SLC8A3: variants seen among roughly 807,000 people sequenced by gnomAD.
SLC8A3 encodes solute carrier family 8 member A3.
SLC8A3 carries 37 observed loss-of-function variants against 65.4 expected under a neutral mutation model. The ratio of observed to expected loss-of-function variants is 0.57; its 90% confidence interval spans 0.44 to 0.74. The LOEUF (loss-of-function observed/expected upper bound fraction) is 0.74, where lower values mean the gene tolerates loss of function less well. SLC8A3 is among the 30% of genes least tolerant of loss of function. The probability of loss-of-function intolerance (pLI) is 0.00; values close to 1 mark genes in which losing one functional copy is unlikely to be tolerated. For missense variants in SLC8A3, 1,112 were observed against 1,172.1 expected (o/e 0.95, Z 0.75); for synonymous variants, 461 against 444.5 (o/e 1.04, Z -0.47).
intron 2 of SLC8A3, among the ~76,000 whole-genome samples, chr14:70,123,527 G>A (rs1379399410): frequency 6.7e-6 from 1 of 149,406 alleles, no homozygotes. Context: ...TTGGCTCACT[G>A]CAACCTCCAC....
chr14:70,167,044 G>T lies in SLC8A3; in HGVS notation c.1379C>A (p.Thr460Asn). ...EGTVVLKPGE[T>N]QKEFSVGIID... ...TATGCCCACGGAGAACTCCTTCTGG[G>T]TCTCTCCTGGCTTCAGAACCACCGT... Residue 460 changes from threonine (T) to asparagine (N), a missense_variant, in exon 2 of 7, where the codon ACC becomes AAC. Coordinates refer to ENST00000356921, the MANE Select transcript of SLC8A3 (RefSeq NM_182932.3). 1 of 1,613,794 alleles carries T rather than the reference G, an allele frequency of 6.2e-7. No individual in the cohort carries two copies.
intron 2 of SLC8A3, among the ~76,000 whole-genome samples, chr14:70,093,700 C>T (rs1007342894): frequency 1.6e-4 from 25 of 152,210 alleles, no homozygotes; most frequent in African/African-American, 5.5e-4. Flanking sequence ...CTTCCCAATT[C>T]TGATGTCTGC....
At chr14:70,132,291 A>T (rs925845398) in intron 2 of SLC8A3, among the ~76,000 whole-genome samples, 1 of 152,238 alleles carries the variant, frequency 6.6e-6, no homozygotes, top group African/African-American at 2.4e-5. Context: ...TGCAGCCTTC[A>T]CTGTAATATT....
At chr14:70,076,078 C>G (rs1364223975) in intron 2 of SLC8A3, among the ~76,000 whole-genome samples, 1 of 152,220 alleles carries the variant, frequency 6.6e-6, no homozygotes, top group South Asian at 2.1e-4. Context: ...TTTTCCACCA[C>G]CCACTCGGCC....
At chr14:70,057,112 C>G (rs1326661102) in intron 3 of SLC8A3, among the ~76,000 whole-genome samples, 1 of 152,136 alleles carries the variant, frequency 6.6e-6, no homozygotes, top group Non-Finnish European at 1.5e-5. Context: ...GAATGCAACT[C>G]AGGCCTGTGA....
intron 2 of SLC8A3, among the ~76,000 whole-genome samples, chr14:70,071,262 C>A (rs1889985035): frequency 6.6e-6 from 1 of 152,210 alleles, no homozygotes; most frequent in African/African-American, 2.4e-5. Context: ...ATCCTTGGAA[C>A]CTGTAAATGT....
chr14:70,137,784 G>A (rs1895301029), intron 2 of SLC8A3, among the ~76,000 whole-genome samples: 1 of 55,434 alleles, frequency 1.8e-5, no homozygotes. Flanking sequence ...AGCTGGTGGT[G>A]CCTTTTTTTT....
rs1030108261 is a variant in SLC8A3 at position 70,188,414 on chromosome 14, G to A, written c.-98C>T. ...CGGCCTCCCGAGCGGAGTGGGCAAG[G>A]GAGGGGGGTGAGGAAGGTACGCGAT... On this transcript the variant is annotated 5_prime_UTR_variant, in exon 1 of 7. Coordinates refer to ENST00000356921, the MANE Select transcript of SLC8A3 (RefSeq NM_182932.3). The A allele has an allele frequency of 6.6e-6, 1 of 152,162 alleles. No individual in the cohort carries two copies. The highest frequency in any genetic ancestry group is 1.5e-5 in the Non-Finnish European group (1 of 68,058). 9.4% of individuals were successfully genotyped at this position (152,162 alleles called of 1,614,324 possible).
At chr14:70,074,578 A>G (rs2139944050) in intron 2 of SLC8A3, among the ~76,000 whole-genome samples, 1 of 152,362 alleles carries the variant, frequency 6.6e-6, no homozygotes, top group South Asian at 2.1e-4. Context: ...GAAGGGAGAC[A>G]GAAATCCTAT....
intron 2 of SLC8A3, among the ~76,000 whole-genome samples, chr14:70,085,500 C>T (rs1051209521): frequency 6.6e-6 from 1 of 152,116 alleles, no homozygotes; most frequent in African/African-American, 2.4e-5. Context: ...TTACCTTTAA[C>T]CCGACCCACC....
chr14:70,143,529 G>T (rs372464117), intron 2 of SLC8A3, among the ~76,000 whole-genome samples: 1 of 152,080 alleles, frequency 6.6e-6, no homozygotes, highest in Non-Finnish European at 1.5e-5. Context: ...AGAATCACCT[G>T]GAGTGCTTAA....
chr14:70,090,357 C>G (rs1258984233), intron 2 of SLC8A3, among the ~76,000 whole-genome samples: 1 of 152,186 alleles, frequency 6.6e-6, no homozygotes, highest in African/African-American at 2.4e-5. Context: ...ACTATCACGT[C>G]ATATGCGCAT....
intron 2 of SLC8A3, among the ~76,000 whole-genome samples, chr14:70,125,258 A>G (rs1025896288): frequency 1.3e-5 from 2 of 152,110 alleles, no homozygotes; most frequent in Non-Finnish European, 2.9e-5. Flanking sequence ...GTGGGCTTTT[A>G]GTGTATTCAT....
Position 70,096,563 on chromosome 14 carries a change from C to T in SLC8A3, c.1785-35624G>A, listed in dbSNP as rs182655706. Among the ~76,000 whole-genome samples the T allele has an allele frequency of 2.2e-4, 33 of 152,362 alleles. 1 individual carries two copies. The highest frequency in any genetic ancestry group is 4.1e-4 in the South Asian group (2 of 4,828). On this transcript the variant is annotated intron_variant, in intron 2 of 6. Coordinates refer to ENST00000356921, the MANE Select transcript of SLC8A3 (RefSeq NM_182932.3). ...CCCAGAATCAGACTGCCCAGTTTCA[C>T]ATCACAGCTCCACCCACTTACTAGT...
At chr14:70,172,155 C>CA (rs145675334) in intron 1 of SLC8A3, among the ~76,000 whole-genome samples, 4,990 of 152,174 alleles carry the variant, frequency 0.033, 272 homozygotes, top group African/African-American at 0.11. Flanking sequence ...ATCTTTTCCC[C>CA]CACCCAGGAC....
chr14:70,156,413 T>C (rs1356309443), intron 2 of SLC8A3, among the ~76,000 whole-genome samples: 2 of 152,222 alleles, frequency 1.3e-5, no homozygotes, highest in South Asian at 2.1e-4. Flanking sequence ...GTTCTTTCTA[T>C]CTTGAATCCC....
At chr14:70,163,189 T>C (rs1204424279) in intron 2 of SLC8A3, among the ~76,000 whole-genome samples, 16 of 152,226 alleles carry the variant, frequency 1.1e-4, no homozygotes, top group Non-Finnish European at 1.5e-5. Flanking sequence ...TTTCTCATAC[T>C]TATATTTAGT....
At chr14:70,081,155 G>A (rs781688024) in intron 2 of SLC8A3, among the ~76,000 whole-genome samples, 4 of 152,148 alleles carry the variant, frequency 2.6e-5, no homozygotes, top group East Asian at 1.9e-4. Flanking sequence ...ATCTCCCTTC[G>A]ACAAAACCTC....
chr14:70,158,986 C>T (rs556798087), intron 2 of SLC8A3, among the ~76,000 whole-genome samples: 3 of 152,270 alleles, frequency 2.0e-5, no homozygotes, highest in East Asian at 1.9e-4. Flanking sequence ...AATATGGGGC[C>T]GTGCTCTATT....
Sources: gnomAD v4.1 joint callset for allele counts (sites outside exome capture counted in the v4.1 genomes callset) on GRCh38, gnomAD v4.1.1 for gene constraint, MANE v1.5 for transcripts, NCBI Gene and HGNC (gene_info 2026-07-23, HGNC 2026-07-21) for gene names.